Variants in ANKRD12 observed in about 807,000 individuals in gnomAD.
ANKRD12 encodes ankyrin repeat domain-containing protein 12.
Under a neutral mutation model 183.4 loss-of-function variants are expected in ANKRD12, and 85 were observed. That is an observed-to-expected ratio of 0.46 (90% CI 0.39 to 0.56). The LOEUF is 0.56. ANKRD12 is among the 20% of genes least tolerant of loss of function. The pLI, the probability that ANKRD12 is intolerant of heterozygous loss-of-function variation, is 0.00. For missense variants in ANKRD12, 2,405 were observed against 2,357.1 expected, an observed-to-expected ratio of 1.02 and a Z score of -0.42; for synonymous variants, 914 against 800.2, an observed-to-expected ratio of 1.14 and a Z score of -2.40.
At chr18:9,201,577 A>G (rs2035169353) in intron 3 of ANKRD12, among the ~76,000 whole-genome samples, 1 of 152,196 alleles carries the variant, frequency 6.6e-6, no homozygotes, top group Non-Finnish European at 1.5e-5. Context: ...TGTTTCTCCA[A>G]AATAATTATA....
At chr18:9,178,985 C>G (rs913974847) in intron 1 of ANKRD12, among the ~76,000 whole-genome samples, 1 of 151,980 alleles carries the variant, frequency 6.6e-6, no homozygotes, top group Non-Finnish European at 1.5e-5. Context: ...CACATATTCA[C>G]CATGTATTCT....
intron 9 of ANKRD12, among the ~76,000 whole-genome samples, chr18:9,261,330 C>T (rs1370744151): frequency 6.6e-6 from 1 of 152,194 alleles, no homozygotes; most frequent in East Asian, 1.9e-4. Context: ...CACTGTTAAT[C>T]TAAAAATAGG....
intron 1 of ANKRD12, among the ~76,000 whole-genome samples, chr18:9,157,585 G>GTGTATATATATATATATATATATATA (rs1472659778): frequency 1.1e-5 from 1 of 92,706 alleles, no homozygotes; most frequent in Non-Finnish European, 1.9e-5. Flanking sequence ...GTGTGTGTGT[G>GTGTATATATATATATATATATATATA]TATATATATA....
rs1174079488 is a variant in ANKRD12, at chr18:9,183,172, A to G, written c.87+653A>G. Among the ~76,000 whole-genome samples the G allele has an allele frequency of 5.9e-5, 9 of 152,334 alleles. No individual in the cohort carries two copies. In the East Asian group the frequency reaches 1.7e-3, roughly 29 times the overall value. ...AGGCAACCCCATATCTGCTTTCAAA[A>G]TCAGGAAGTGTAAGTTTTCAAACTG... is the stretch of plus-strand genomic sequence containing the variant. On this transcript the variant is annotated intron_variant, in intron 2 of 12. Coordinates refer to ENST00000262126, the MANE Select transcript of ANKRD12 (RefSeq NM_015208.5).
chr18:9,272,502 C>T (rs1416210401), intron 10 of ANKRD12, among the ~76,000 whole-genome samples: 1 of 151,686 alleles, frequency 6.6e-6, no homozygotes, highest in Non-Finnish European at 1.5e-5. Context: ...GCGGAGGTTG[C>T]AGTGAGCTGA....
chr18:9,145,731 G>A (rs2078471548), intron 1 of ANKRD12, among the ~76,000 whole-genome samples: 3 of 152,098 alleles, frequency 2.0e-5, no homozygotes, highest in Admixed American at 6.5e-5. Context: ...TAGGATGAGG[G>A]GCTTAATAAA....
intron 10 of ANKRD12, among the ~76,000 whole-genome samples, chr18:9,265,405 C>T (rs534882842): frequency 6.6e-6 from 1 of 152,226 alleles, no homozygotes; most frequent in South Asian, 2.1e-4. Context: ...CCTCACACGG[C>T]TGGGTACTCC....
intron 9 of ANKRD12, among the ~76,000 whole-genome samples, chr18:9,262,774 A>T: frequency 7.7e-6 from 1 of 129,730 alleles, no homozygotes; most frequent in Non-Finnish European, 1.6e-5. Context: ...CACCATGCCC[A>T]GCCAAGATGT....
chr18:9,149,360 A>T (rs2143528388), intron 1 of ANKRD12, among the ~76,000 whole-genome samples: 1 of 152,356 alleles, frequency 6.6e-6, no homozygotes. Flanking sequence ...CACAGACTTA[A>T]TTCATTTTTC....
chr18:9,161,437 G>T (rs1474994952), intron 1 of ANKRD12, among the ~76,000 whole-genome samples: 1 of 150,132 alleles, frequency 6.7e-6, no homozygotes, highest in Admixed American at 6.6e-5. Context: ...GTGCAGTGGC[G>T]CGATCTCGGC....
At chr18:9,244,016 C>T (rs1257590194) in intron 8 of ANKRD12, among the ~76,000 whole-genome samples, 1 of 152,122 alleles carries the variant, frequency 6.6e-6, no homozygotes, top group Non-Finnish European at 1.5e-5. Context: ...CTACTATAAT[C>T]TCAGCTACTT....
At chr18:9,273,985 G>A (rs193013857) in intron 10 of ANKRD12, among the ~76,000 whole-genome samples, 1 of 152,368 alleles carries the variant, frequency 6.6e-6, no homozygotes, top group East Asian at 1.9e-4. Context: ...AGAAAGAAAG[G>A]CAGCTGTGGA....
chr18:9,255,280 T>G lies in ANKRD12; in HGVS notation c.2013T>G (p.Gly671=), dbSNP rs1291146897. The G allele has an allele frequency of 6.4e-7, 1 of 1,565,440 alleles. No individual in the cohort carries two copies. The highest frequency in any genetic ancestry group is 8.6e-7 in the Non-Finnish European group (1 of 1,164,354). Residue 671 remains glycine, a synonymous_variant, in exon 9 of 13, where the codon GGT becomes GGG. Coordinates refer to ENST00000262126, the MANE Select transcript of ANKRD12 (RefSeq NM_015208.5). Reference sequence around the variant, plus strand: ...AAAAGCATAAAAAAGAAATTGAAGGTGAAAAGGAAAAATACAAAACTAAGG... The same window carrying G: ...AAAAGCATAAAAAAGAAATTGAAGGGGAAAAGGAAAAATACAAAACTAAGG... ...EKEKHKKEIE[G]EKEKYKTKDS...
intron 1 of ANKRD12, among the ~76,000 whole-genome samples, chr18:9,145,798 A>G (rs771886037): frequency 6.6e-6 from 1 of 152,258 alleles, no homozygotes; most frequent in African/African-American, 2.4e-5. Flanking sequence ...AAGTAATTCT[A>G]GAAGTATAGA....
At chr18:9,186,428 A>G (rs769099275) in intron 2 of ANKRD12, among the ~76,000 whole-genome samples, 2 of 152,172 alleles carry the variant, frequency 1.3e-5, no homozygotes, top group Non-Finnish European at 2.9e-5. Context: ...GTTTAACTGT[A>G]TGTTTTTCAA....
chr18:9,197,414 A>G (rs760278135), intron 3 of ANKRD12, among the ~76,000 whole-genome samples: 10 of 152,202 alleles, frequency 6.6e-5, no homozygotes, highest in Admixed American at 4.6e-4. Context: ...TTAAAACACA[A>G]TTGACCCTCG....
In ANKRD12 at chr18:9,222,161, C is replaced by G. The variant is rs181095915; in HGVS notation, c.943+162C>G. Among the ~76,000 whole-genome samples the G allele has an allele frequency of 1.1e-3, 171 of 152,244 alleles. 2 individuals are homozygous for G. Among genetic ancestry groups the G allele is most frequent in the African/African-American group, 3.9e-3 (163 of 41,548 alleles). ...TAGCTAAGAATGATGAAGTTAGTAA[C>G]CTAGGTGTTTGCTACATATACCCTG... On this transcript the variant is annotated intron_variant, in intron 8 of 12. Transcript: ENST00000262126.
rs202164347 is a variant in ANKRD12 at position 9,255,965 on chromosome 18, A to G, written c.2698A>G (p.Arg900Gly). The G allele has an allele frequency of 7.6e-6, 12 of 1,577,682 alleles. No individual in the cohort carries two copies. Among genetic ancestry groups the G allele is most frequent in the Non-Finnish European group, 1.0e-5 (12 of 1,170,160 alleles). Residue 900 changes from arginine to glycine, a missense_variant, in exon 9 of 13, where the codon AGA (arginine) becomes GGA (glycine). By Grantham distance (125) the Arg-to-Gly change is moderately radical. Transcript: ENST00000262126. ...NTAAIKKTDDREKSREKMDRK... is the reference protein window; with the variant it reads ...NTAAIKKTDDGEKSREKMDRK... ...TGCTGCTATTAAAAAAACTGACGAC[A>G]GAGAGAAAAGTAGAGAAAAGATGGA... is the stretch of plus-strand genomic sequence containing the variant.
chr18:9,152,788 C>T (rs1390609979), intron 1 of ANKRD12, among the ~76,000 whole-genome samples: 1 of 151,824 alleles, frequency 6.6e-6, no homozygotes, highest in East Asian at 1.9e-4. Flanking sequence ...GTATATTTTC[C>T]CTCTAAGCCA....
Sources: allele counts gnomAD v4.1 joint callset (sites outside exome capture counted in the v4.1 genomes callset), GRCh38; gene constraint gnomAD v4.1.1; transcripts MANE v1.5; gene names NCBI Gene and HGNC (gene_info 2026-07-23, HGNC 2026-07-21).